The following BTBD3 variants were observed in gnomAD, a reference collection of about 807,000 sequenced individuals.
The protein encoded by BTBD3 is BTB/POZ domain-containing protein 3.
Under a neutral mutation model 41.6 loss-of-function variants are expected in BTBD3, and 14 were observed. That is an observed-to-expected ratio of 0.34 (90% CI 0.22 to 0.53). The LOEUF is 0.53. Among genes scored for constraint, BTBD3 ranks in the 20% least tolerant of loss-of-function variants. The probability of loss-of-function intolerance (pLI) is 0.95; values close to 1 mark genes in which losing one functional copy is unlikely to be tolerated. For synonymous variants in BTBD3, 249 were observed against 233.7 expected, an observed-to-expected ratio of 1.07 and a Z score of -0.60; for missense variants, 426 against 654.7, an observed-to-expected ratio of 0.65 and a Z score of 3.81.
chr20:11,925,969 G>A lies in BTBD3; in HGVS notation c.*2303G>A, dbSNP rs1298490829. The A allele has an allele frequency of 2.0e-5, 3 of 151,968 alleles. No homozygotes were observed. The highest frequency in any genetic ancestry group is 4.4e-5 in the Non-Finnish European group (3 of 67,990). 9.4% of individuals were successfully genotyped at this position (151,968 alleles called of 1,614,324 possible). On this transcript the variant is annotated 3_prime_UTR_variant, in exon 4 of 4. Coordinates refer to ENST00000378226, the MANE Select transcript of BTBD3 (RefSeq NM_014962.4). ...ATCTACCATCTGATTGGCTGGTACC[G>A]AGAGCTGTGGGTAAAATTTGAAAAT...
chr20:11,909,733 G>A (rs1424678330), intron 1 of BTBD3: 1 of 152,146 alleles, frequency 6.6e-6, no homozygotes, highest in African/African-American at 2.4e-5. Flanking sequence ...GTCAAAATGT[G>A]AAATTGTAAC....
intron 3 of BTBD3, among the ~76,000 whole-genome samples, chr20:11,920,457 C>T (rs138258545): frequency 6.6e-6 from 1 of 152,242 alleles, no homozygotes; most frequent in East Asian, 1.9e-4. Context: ...TGGATTTATA[C>T]AGAAGAACTT....
intron 1 of BTBD3, among the ~76,000 whole-genome samples, chr20:11,908,311 C>T (rs2056868368): frequency 3.9e-5 from 3 of 76,350 alleles, no homozygotes; most frequent in Non-Finnish European, 7.9e-5. Context: ...GGAGTGGTTG[C>T]TTCTCTGTGG....
chr20:11,910,281 CT>C (rs2056881498), intron 1 of BTBD3: 1 of 151,954 alleles, frequency 6.6e-6, no homozygotes, highest in Non-Finnish European at 1.5e-5. Context: ...TTTGGAAACA[CT>C]TTCCTTTTTC....
intron 1 of BTBD3, among the ~76,000 whole-genome samples, chr20:11,897,533 TCTC>T (rs1320278092): frequency 6.7e-6 from 1 of 149,734 alleles, no homozygotes; most frequent in Admixed American, 6.6e-5. Flanking sequence ...TCCTGACTCT[TCTC>T]TTTCTCTCCA....
chr20:11,916,449 T>C (rs557149732), upstream of BTBD3, among the ~76,000 whole-genome samples: 1 of 152,266 alleles, frequency 6.6e-6, no homozygotes, highest in South Asian at 2.1e-4. Flanking sequence ...AACATGATAA[T>C]CATAATAAAT....
At chr20:11,904,558 C>T (rs76241142) in intron 1 of BTBD3, among the ~76,000 whole-genome samples, 2,253 of 152,176 alleles carry the variant, frequency 0.015, 56 homozygotes, top group African/African-American at 0.051. Context: ...TTTTCTCATA[C>T]GTTTTGGTTT....
chr20:11,903,053 C>T lies in BTBD3; in HGVS notation c.-126+12099C>T, dbSNP rs1322035678. ...CAAACCCATAGCGTTCAAGGGTTAC[C>T]TGTATTTTTAAATAAAATGTTATTT... is the stretch of plus-strand genomic sequence containing the variant. On this transcript the variant is annotated intron_variant, in intron 1 of 4. Coordinates refer to the BTBD3 transcript ENST00000254977. Among the ~76,000 whole-genome samples, 4 of 152,018 alleles carry T rather than the reference C, an allele frequency of 2.6e-5. No homozygotes were observed. In the East Asian group the frequency reaches 7.7e-4, roughly 29 times the overall value.
At chr20:11,896,710 T>A (rs1162100188) in intron 1 of BTBD3, among the ~76,000 whole-genome samples, 2 of 152,236 alleles carry the variant, frequency 1.3e-5, no homozygotes, top group African/African-American at 4.8e-5. Flanking sequence ...TATTAGCAAG[T>A]GATCATTAGC....
At chr20:11,904,444 G>A (rs957421823) in intron 1 of BTBD3, among the ~76,000 whole-genome samples, 1 of 152,150 alleles carries the variant, frequency 6.6e-6, no homozygotes, top group Non-Finnish European at 1.5e-5. Flanking sequence ...AATTCATCAT[G>A]AAATGTGGAT....
At chr20:11,920,649 A>G (rs1295555219) in intron 3 of BTBD3, among the ~76,000 whole-genome samples, 1 of 152,174 alleles carries the variant, frequency 6.6e-6, no homozygotes, top group African/African-American at 2.4e-5. Context: ...TAATCTAATT[A>G]TTATTCTAAG....
intron 1 of BTBD3, among the ~76,000 whole-genome samples, chr20:11,906,374 C>T (rs528714095): frequency 1.0e-4 from 15 of 144,010 alleles, no homozygotes; most frequent in Non-Finnish European, 1.8e-4. Flanking sequence ...AAGTATTCTC[C>T]TGCCTCAGCC....
intron 1 of BTBD3, chr20:11,909,982 T>G (rs903784095): frequency 6.6e-6 from 1 of 152,208 alleles, no homozygotes; most frequent in African/African-American, 2.4e-5. Context: ...GGTATAGAAC[T>G]TAGTTGTGGA....
At chr20:11,900,706 CTTT>C (rs33976204) in intron 1 of BTBD3, among the ~76,000 whole-genome samples, 23 of 111,522 alleles carry the variant, frequency 2.1e-4, no homozygotes, top group Admixed American at 1.9e-4. Flanking sequence ...AGTCCACCTA[CTTT>C]TTTTTTTTTT....
chr20:11,906,092 T>C (rs1358791167), intron 1 of BTBD3, among the ~76,000 whole-genome samples: 3 of 151,994 alleles, frequency 2.0e-5, no homozygotes, highest in Non-Finnish European at 4.4e-5. Context: ...AACACAAATC[T>C]CAAAACTATG....
chr20:11,904,559 G>A (rs2056842435), intron 1 of BTBD3, among the ~76,000 whole-genome samples: 1 of 152,182 alleles, frequency 6.6e-6, no homozygotes, highest in Non-Finnish European at 1.5e-5. Context: ...TTTCTCATAC[G>A]TTTTGGTTTT....
intron 1 of BTBD3, among the ~76,000 whole-genome samples, chr20:11,893,612 A>T (rs1049747378): frequency 1.3e-5 from 2 of 152,234 alleles, no homozygotes; most frequent in Non-Finnish European, 2.9e-5. Flanking sequence ...ACATTTATCG[A>T]CATGTCCTTT....
chr20:11,924,743 C>G lies in BTBD3; in HGVS notation c.*1077C>G, dbSNP rs965835515. On this transcript the variant is annotated 3_prime_UTR_variant, in exon 4 of 4. Transcript: ENST00000378226. ...TTTGAAATATACTTTACCTGATCCA[C>G]TTTGATTGTATACTATATTCTTTGT... 1 of 152,700 alleles carries G rather than the reference C, an allele frequency of 6.5e-6. No homozygotes were observed. Among genetic ancestry groups the G allele is most frequent in the Middle Eastern group, 3.4e-3 (1 of 294 alleles). The allele number at this position is 152,700 out of a possible 1,614,324, so 9.5% of individuals were successfully genotyped here.
At chr20:11,898,874 A>G (rs1346719631) in intron 1 of BTBD3, among the ~76,000 whole-genome samples, 1 of 152,212 alleles carries the variant, frequency 6.6e-6, no homozygotes, top group Non-Finnish European at 1.5e-5. Context: ...AGGTCACTTA[A>G]CTGACAAAAA....
Sources: allele counts gnomAD v4.1 joint callset (sites outside exome capture counted in the v4.1 genomes callset), GRCh38; gene constraint gnomAD v4.1.1; transcripts MANE v1.5; gene names NCBI Gene and HGNC (gene_info 2026-07-23, HGNC 2026-07-21).